The following COMMD2 variants were observed in gnomAD, a reference collection of about 807,000 sequenced individuals.
COMMD2 encodes the protein COMM domain-containing protein 2.
In COMMD2, 25 loss-of-function variants were observed where a neutral mutation model predicts 22.5. The ratio of observed to expected loss-of-function variants is 1.11; its 90% confidence interval spans 0.81 to 1.55. The LOEUF (loss-of-function observed/expected upper bound fraction) is 1.55. Ranked by LOEUF, COMMD2 falls within the 40% of genes most tolerant of loss-of-function variation. The pLI is 0.00. For missense variants in COMMD2, 223 were observed against 232.9 expected (o/e 0.96, Z 0.28); for synonymous variants, 98 against 91.2 (o/e 1.07, Z -0.42).
In COMMD2 at chr3:149,741,300, T is replaced by C; in HGVS notation, c.*221A>G. 4.1e-6 allele frequency: 2 copies of C among 482,464 alleles called. No homozygotes were observed. Among genetic ancestry groups the C allele is most frequent in the Non-Finnish European group, 7.5e-6 (2 of 266,786 alleles). The allele number at this position is 482,464 out of a possible 1,614,324, so 29.9% of individuals were successfully genotyped here. ...CCAGGAAGGTCTCAATCTCCTGACC[T>C]CATGATTTGCCCACCTCGGCCTCCC... On this transcript the variant is annotated 3_prime_UTR_variant, in exon 5 of 5. Coordinates refer to ENST00000473414, the MANE Select transcript of COMMD2 (RefSeq NM_016094.4).
intron 4 of COMMD2, among the ~76,000 whole-genome samples, chr3:149,746,958 G>A (rs1178513980): frequency 1.3e-5 from 2 of 152,156 alleles, no homozygotes. Flanking sequence ...CAGATCTTGT[G>A]AGAACTCACT....
chr3:149,745,717 A>C (rs1716349917), intron 4 of COMMD2, among the ~76,000 whole-genome samples: 1 of 152,088 alleles, frequency 6.6e-6, no homozygotes, highest in African/African-American at 2.4e-5. Context: ...CATGTACCTG[A>C]AGATGCTCAT....
At chr3:149,750,647 C>G in intron 4 of COMMD2, 31 bp downstream of exon 4, 1 of 1,423,004 alleles carries the variant, frequency 7.0e-7, no homozygotes, top group Non-Finnish European at 9.5e-7. Flanking sequence ...TTCTTATATT[C>G]TATGTTAAGT....
At chr3:149,751,856 C>T (rs1478387225) in intron 2 of COMMD2, 3 of 267,260 alleles carry the variant, frequency 1.1e-5, no homozygotes, top group Admixed American at 5.2e-5. Context: ...TTAGCAAAAG[C>T]GGATATCTGA....
intron 4 of COMMD2, among the ~76,000 whole-genome samples, chr3:149,748,173 A>G (rs1716429105): frequency 6.6e-6 from 1 of 152,102 alleles, no homozygotes; most frequent in Non-Finnish European, 1.5e-5. Flanking sequence ...ATACAAGGGA[A>G]AAGGCTGCCT....
At chr3:149,741,803 A>T in intron 4 of COMMD2, 85 bp from the exon 5 acceptor site, 2 of 1,078,226 alleles carry the variant, frequency 1.9e-6, no homozygotes, top group Non-Finnish European at 2.7e-6. Flanking sequence ...TAAACCATAC[A>T]CAAAAATTAA....
At chr3:149,742,571 C>T (rs1716263913) in intron 4 of COMMD2, among the ~76,000 whole-genome samples, 1 of 151,890 alleles carries the variant, frequency 6.6e-6, no homozygotes, top group African/African-American at 2.4e-5. Flanking sequence ...CATGGGTTAT[C>T]ATAGAAGAAA....
At chr3:149,748,744 C>T (rs1716445118) in intron 4 of COMMD2, among the ~76,000 whole-genome samples, 2 of 152,214 alleles carry the variant, frequency 1.3e-5, no homozygotes, top group South Asian at 4.1e-4. Flanking sequence ...GTGACTGTGT[C>T]CCAATAAAAC....
rs377353632 is a variant in COMMD2, at chr3:149,752,433, T to C, written c.12A>G (p.Glu4=). Residue 4 remains glutamate (E), a synonymous_variant, in exon 1 of 5, where the codon GAA becomes GAG. Transcript: ENST00000473414. The stretch of plus-strand genomic sequence containing the variant: ...GGTGTTCCTTATGCTCCTCGGACAA[T>C]TCCAGCAGCATCTTCACTGTCCTAC... MLL[E]LSEEHKEHLA... The C allele has an allele frequency of 1.2e-5, 19 of 1,613,664 alleles. No homozygotes were observed. The African/African-American group carries it at 2.1e-4, about 18-fold the overall frequency.
Position 149,752,346 on chromosome 3 carries a change from GCCCACAGAACACCGCC to G in COMMD2, c.67+16_67+31del, listed in dbSNP as rs1371568417. The G allele has an allele frequency of 6.2e-7, 1 of 1,613,754 alleles. No individual in the cohort carries two copies. ...GGCGCTGCCTTTGACCTCCTCCCCA[GCCCACAGAACACCGCC>G]CCCACGCCCGCTGACCCGCGCTGTC... On this transcript the variant is annotated intron_variant, in intron 1 of 4. Transcript: ENST00000473414.
intron 3 of COMMD2, 193 bp downstream of exon 3, chr3:149,751,210 T>TTA: frequency 1.3e-6 from 1 of 770,696 alleles, no homozygotes. Context: ...TACTAGCTAT[T>TTA]TATACTAGCA....
intron 4 of COMMD2, among the ~76,000 whole-genome samples, chr3:149,743,029 G>C (rs754531034): frequency 2.6e-5 from 4 of 151,832 alleles, no homozygotes; most frequent in Non-Finnish European, 5.9e-5. Flanking sequence ...TCAGGATAAC[G>C]GTTTCCTTCA....
intron 4 of COMMD2, among the ~76,000 whole-genome samples, chr3:149,742,107 A>T (rs1716246443): frequency 6.6e-6 from 1 of 152,196 alleles, no homozygotes; most frequent in Admixed American, 6.5e-5. Context: ...CTCTGATTTA[A>T]TAAGAAAAAA....
chr3:149,746,147 G>A (rs1191948195), intron 4 of COMMD2, among the ~76,000 whole-genome samples: 6 of 152,160 alleles, frequency 3.9e-5, no homozygotes, highest in Non-Finnish European at 8.8e-5. Context: ...TGCCATGAGG[G>A]AGCATGGCTG....
chr3:149,750,323 G>A lies in COMMD2; in HGVS notation c.402+355C>T, dbSNP rs190955590. ...GGATGCTTCTGGGGTGTGAGTCACA[G>A]TTAAATGCACCATGTGATAATTCAT... On this transcript the variant is annotated intron_variant, in intron 4 of 4. Coordinates refer to ENST00000473414, the MANE Select transcript of COMMD2 (RefSeq NM_016094.4). The A allele has an allele frequency of 2.5e-3, 1,030 of 409,040 alleles. 6 individuals carry two copies. Among genetic ancestry groups the A allele is most frequent in the Non-Finnish European group, 3.7e-3 (745 of 203,846 alleles). 25.3% of individuals were successfully genotyped at this position (409,040 alleles called of 1,614,324 possible).
At chr3:149,752,020 T>C in intron 2 of COMMD2, 190 bp downstream of exon 2, 1 of 541,128 alleles carries the variant, frequency 1.8e-6, no homozygotes, top group South Asian at 2.7e-5. Context: ...TAATAGAAGC[T>C]TTAACAATCT....
chr3:149,743,605 C>A (rs1338651866), intron 4 of COMMD2, among the ~76,000 whole-genome samples: 1 of 152,108 alleles, frequency 6.6e-6, no homozygotes, highest in African/African-American at 2.4e-5. Flanking sequence ...ATTTAATGTC[C>A]CCAACTAATT....
rs1046893730 is a variant in COMMD2, at chr3:149,751,997, G to A, written c.145+213C>T. 14 of 517,054 alleles carry A rather than the reference G, an allele frequency of 2.7e-5. No individual in the cohort carries two copies. In the Admixed American group the frequency reaches 3.2e-4, roughly 12 times the overall value. The allele number at this position is 517,054 out of a possible 1,614,324, so 32.0% of individuals were successfully genotyped here. A position where few individuals can be genotyped will look rare whatever the true frequency, so the allele number is the denominator to read the frequency against. On this transcript the variant is annotated intron_variant, in intron 2 of 4. Transcript: ENST00000473414. ...GGTGGTATTATGTACATTTTACCAT[G>A]AGAAAACTGATTTAATAGAAGCTTT...
chr3:149,750,802 T>C lies in COMMD2; in HGVS notation c.278A>G (p.Glu93Gly). ...CTGAAGCAACAATTTGTTTAATTCT[T>C]CAGAGAATCCCAGAACAAAAACAGA... ...QDSVFVLGFS[E>G]ELNKLLLQLY... Residue 93 changes from glutamate (E) to glycine (G), a missense_variant, in exon 4 of 5, where the codon GAA becomes GGA. Glu to Gly is a moderately conservative substitution (Grantham distance 98, BLOSUM62 -2). Transcript: ENST00000473414. 6.2e-7 allele frequency: 1 copy of C among 1,605,154 alleles called. No individual in the cohort carries two copies. Among genetic ancestry groups the C allele is most frequent in the Non-Finnish European group, 8.5e-7 (1 of 1,174,434 alleles).
Sources: allele counts gnomAD v4.1 joint callset (sites outside exome capture counted in the v4.1 genomes callset), GRCh38; gene constraint gnomAD v4.1.1; transcripts MANE v1.5; gene names NCBI Gene and HGNC (gene_info 2026-07-23, HGNC 2026-07-21).